Variants in OXSR1 observed in about 807,000 individuals in gnomAD.
OXSR1 encodes serine/threonine-protein kinase OSR1.
Under a neutral mutation model 79.8 loss-of-function variants are expected in OXSR1, and 24 were observed. That is an observed-to-expected ratio of 0.30 (90% CI 0.22 to 0.42). The LOEUF (loss-of-function observed/expected upper bound fraction) is 0.42. Among genes scored for constraint, OXSR1 ranks in the 10% least tolerant of loss-of-function variants. OXSR1 has a pLI of 1.00. For missense variants in OXSR1, 430 were observed against 618.4 expected (o/e 0.70, Z 3.23); for synonymous variants, 226 against 209.2 (o/e 1.08, Z -0.69).
At chr3:38,193,310 G>A (rs754007562) in intron 3 of OXSR1, 3 of 1,289,576 alleles carry the variant, frequency 2.3e-6, no homozygotes, top group Non-Finnish European at 3.0e-6. Context: ...GGATTGCTTT[G>A]TTAAAGGCCC....
At position 38,190,850 on chromosome 3, in the gene OXSR1, T is replaced by C. The variant is rs777215455; in HGVS notation, c.292+11T>C. ...AGCTGCTAAGTGGAGGTGAGTAGAG[T>C]ACAAGGAAATGCTATAAGTACCATG... On this transcript the variant is annotated intron_variant, in intron 3 of 17. Coordinates refer to ENST00000311806, the MANE Select transcript of OXSR1 (RefSeq NM_005109.3). 2.2e-6 allele frequency: 3 copies of C among 1,355,508 alleles called. No individual in the cohort carries two copies. The Admixed American group carries it at 5.1e-5, about 23-fold the overall frequency. 84.0% of individuals were successfully genotyped at this position (1,355,508 alleles called of 1,614,324 possible). A position where few individuals can be genotyped will look rare whatever the true frequency, so the allele number is the denominator to read the frequency against.
intron 15 of OXSR1, among the ~76,000 whole-genome samples, chr3:38,250,366 A>T (rs749585943): frequency 6.6e-6 from 1 of 152,202 alleles, no homozygotes; most frequent in Non-Finnish European, 1.5e-5. Flanking sequence ...CTTAAAGGCA[A>T]AGTAACTTGT....
At chr3:38,248,930 C>T (rs546226320) in intron 14 of OXSR1, among the ~76,000 whole-genome samples, 1 of 152,222 alleles carries the variant, frequency 6.6e-6, no homozygotes, top group East Asian at 1.9e-4. Context: ...TTAAATGACT[C>T]CCTTAATAAT....
intron 1 of OXSR1, among the ~76,000 whole-genome samples, chr3:38,177,577 TTC>T (rs1701697465): frequency 6.6e-6 from 1 of 152,126 alleles, no homozygotes; most frequent in South Asian, 2.1e-4. Flanking sequence ...CTTCCTTTCG[TTC>T]TCTTTCTTTC....
intron 5 of OXSR1, 119 bp downstream of exon 5, chr3:38,216,270 C>A: frequency 1.6e-6 from 1 of 642,990 alleles, no homozygotes; most frequent in Non-Finnish European, 2.7e-6. Context: ...ATTCAAGCAT[C>A]CTCTGTTGGC....
At chr3:38,246,284 C>T (rs1003936195) in intron 13 of OXSR1, 63 bp downstream of exon 13, 104 of 1,496,614 alleles carry the variant, frequency 6.9e-5, no homozygotes, top group Non-Finnish European at 8.4e-5. Context: ...CAGATATTAA[C>T]GTGGAATATA....
chr3:38,204,045 C>G (rs941264567), intron 4 of OXSR1, among the ~76,000 whole-genome samples: 1 of 152,088 alleles, frequency 6.6e-6, no homozygotes, highest in African/African-American at 2.4e-5. Context: ...GCATCCAAAC[C>G]ACAAGACAGG....
chr3:38,242,518 T>G (rs1023146543), intron 11 of OXSR1, among the ~76,000 whole-genome samples: 1 of 152,216 alleles, frequency 6.6e-6, no homozygotes, highest in African/African-American at 2.4e-5. Context: ...ATTTTAAAAT[T>G]GATAAGTACA....
intron 8 of OXSR1, among the ~76,000 whole-genome samples, chr3:38,225,971 GACA>G (rs1702680702): frequency 6.6e-6 from 1 of 152,072 alleles, no homozygotes; most frequent in Admixed American, 6.5e-5. Flanking sequence ...ATCACCAAGA[GACA>G]ACAAAAACCT....
intron 3 of OXSR1, 115 bp from the exon 4 acceptor site, chr3:38,198,607 C>T: frequency 3.0e-6 from 2 of 662,102 alleles, no homozygotes; most frequent in Non-Finnish European, 4.8e-6. Context: ...CTGTTTTTTT[C>T]ATTTCTGCAC....
chr3:38,244,666 T>TGTGTGTGTGTGTGTGCGCGC (rs748851263), intron 12 of OXSR1, among the ~76,000 whole-genome samples: 52 of 144,060 alleles, frequency 3.6e-4, no homozygotes, highest in South Asian at 6.7e-4. Flanking sequence ...TGTGTGTGTG[T>TGTGTGTGTGTGTGTGCGCGC]GCGTGCGCAT....
Position 38,246,086 on chromosome 3 carries a change from A to G in OXSR1, c.1122A>G (p.Thr374=). The change falls in exon 13 of 18, where the codon ACA becomes ACG. Residue 374 remains threonine (T), a synonymous_variant. Transcript: ENST00000311806. The part of the protein sequence containing the change: ...ESISNSELFP[T]TDPVGTLLQV... ...TGTTTTTGTTACAGCTCTTTCCAAC[A>G]ACTGATCCTGTGGGTACTTTGCTCC... 4 of 1,613,760 alleles carry G rather than the reference A, an allele frequency of 2.5e-6. No individual in the cohort carries two copies. Among genetic ancestry groups the G allele is most frequent in the Non-Finnish European group, 3.4e-6 (4 of 1,179,748 alleles).
In OXSR1 at chr3:38,180,492, T is replaced by A. The variant is rs577438982; in HGVS notation, c.71-2511T>A. ...CAGTGTTTTTAGGCATGTGTCCGTA[T>A]TTGCTCCCTGGCTCATGTCTGTATA... On this transcript the variant is annotated intron_variant, in intron 1 of 17. Coordinates refer to ENST00000311806, the MANE Select transcript of OXSR1 (RefSeq NM_005109.3). Among the ~76,000 whole-genome samples, 387 of 152,098 alleles carry A rather than the reference T, an allele frequency of 2.5e-3. 2 individuals are homozygous for A. Among genetic ancestry groups the A allele is most frequent in the Non-Finnish European group, 2.9e-3 (198 of 67,984 alleles).
rs1429263662 is a variant in OXSR1 at position 38,247,743 on chromosome 3, A to G, written c.1322+11A>G. The G allele has an allele frequency of 6.3e-7, 1 of 1,587,604 alleles. No individual in the cohort carries two copies. The highest frequency in any genetic ancestry group is 2.2e-5 in the East Asian group (1 of 44,668). Reference sequence around the variant, plus strand: ...AGTACTAAGATTAAGGTAAGTAGACATTTTTTGTTTTGTTTTCTTTTGTTT... The same window carrying G: ...AGTACTAAGATTAAGGTAAGTAGACGTTTTTTGTTTTGTTTTCTTTTGTTT... On this transcript the variant is annotated intron_variant, in intron 14 of 17. Coordinates refer to ENST00000311806, the MANE Select transcript of OXSR1 (RefSeq NM_005109.3).
At chr3:38,229,846 A>G in intron 9 of OXSR1, 111 bp downstream of exon 9, 1 of 827,776 alleles carries the variant, frequency 1.2e-6, no homozygotes, top group Non-Finnish European at 2.0e-6. Flanking sequence ...ATGATGGTAG[A>G]TAAAATAATT....
chr3:38,198,232 A>G (rs1217513869), intron 3 of OXSR1, among the ~76,000 whole-genome samples: 1 of 152,182 alleles, frequency 6.6e-6, no homozygotes, highest in African/African-American at 2.4e-5. Context: ...TAATTTATTA[A>G]CCTGAAAAAT....
chr3:38,192,499 T>G (rs1702002393), intron 3 of OXSR1, among the ~76,000 whole-genome samples: 1 of 152,182 alleles, frequency 6.6e-6, no homozygotes, highest in Non-Finnish European at 1.5e-5. Flanking sequence ...CAATACAAGT[T>G]TCCAATACAA....
At position 38,253,666 on chromosome 3, in the gene OXSR1, A is replaced by G. The variant is rs965970832; in HGVS notation, c.*775A>G. 4 of 152,722 alleles carry G rather than the reference A, an allele frequency of 2.6e-5. No homozygotes were observed. Among genetic ancestry groups the G allele is most frequent in the African/African-American group, 9.6e-5 (4 of 41,458 alleles). The allele number at this position is 152,722 out of a possible 1,614,324, so 9.5% of individuals were successfully genotyped here. ...ATGGCTTGTAAATGTGAATTTTGCC[A>G]GAGGTGGTTTTTGAACAGGAAAATC... On this transcript the variant is annotated 3_prime_UTR_variant, in exon 18 of 18. Transcript: ENST00000311806.
intron 5 of OXSR1, among the ~76,000 whole-genome samples, 169 bp downstream of exon 5, chr3:38,216,320 T>C (rs1340419325): frequency 1.3e-5 from 2 of 152,170 alleles, no homozygotes; most frequent in Non-Finnish European, 2.9e-5. Context: ...TATCTTCTCA[T>C]ACTCATCCTT....
Sources: gnomAD v4.1 joint callset for allele counts (sites outside exome capture counted in the v4.1 genomes callset) on GRCh38, gnomAD v4.1.1 for gene constraint, MANE v1.5 for transcripts, NCBI Gene and HGNC (gene_info 2026-07-23, HGNC 2026-07-21) for gene names.